The following COL8A2 variants were observed in gnomAD, a reference collection of about 807,000 sequenced individuals.
The protein encoded by COL8A2 is collagen alpha-2(VIII) chain.
Under a neutral mutation model 24.0 loss-of-function variants are expected in COL8A2, and 16 were observed. The ratio of observed to expected loss-of-function variants is 0.67; its 90% CI spans 0.45 to 1.01. The LOEUF is 1.01. COL8A2 is among the 50% of genes least tolerant of loss of function. The pLI, the probability that COL8A2 is intolerant of heterozygous loss-of-function variation, is 0.00. For missense variants in COL8A2, 818 were observed against 942.4 expected, an observed-to-expected ratio of 0.87 and a Z score of 1.73; for synonymous variants, 466 against 424.5, an observed-to-expected ratio of 1.10 and a Z score of -1.20.
intron 2 of COL8A2, among the ~76,000 whole-genome samples, chr1:36,101,204 GC>G (rs1453289869): frequency 6.6e-6 from 1 of 151,910 alleles, no homozygotes; most frequent in Non-Finnish European, 1.5e-5. Context: ...TGCATTCAAG[GC>G]CTTTCTAACC....
chr1:36,102,937 A>T (rs1247736090), intron 2 of COL8A2, among the ~76,000 whole-genome samples: 1 of 151,982 alleles, frequency 6.6e-6, no homozygotes, highest in African/African-American at 2.4e-5. Flanking sequence ...CCTCCCAAAG[A>T]GCAGGAATTA....
rs1643635848 is a variant in COL8A2 at position 36,099,280 on chromosome 1, A to C, written c.401T>G (p.Val134Gly). Residue 134 changes from valine (V) to glycine (G), a missense_variant, in exon 4 of 4, where the codon GTC (valine) becomes GGC (glycine). Around this residue, in one of 3 missense-constraint regions of COL8A2, gnomAD observed 573 missense variants for 616.8 expected, o/e 0.93. Coordinates refer to ENST00000397799, the MANE Select transcript of COL8A2 (RefSeq NM_005202.4). The part of the protein sequence containing the change: ...KAGPPGLPGK[V>G]GPPGQPGLRG... ...AAGCCCCGGCTGCCCTGGTGGCCCGACCTTGCCAGGGAGCCCTGGGGGACC... is the reference window on the plus strand; with the variant it reads ...AAGCCCCGGCTGCCCTGGTGGCCCGCCCTTGCCAGGGAGCCCTGGGGGACC... 1 of 1,556,404 alleles carries C rather than the reference A, an allele frequency of 6.4e-7. No individual in the cohort carries two copies. Among genetic ancestry groups the C allele is most frequent in the Non-Finnish European group, 8.7e-7 (1 of 1,151,110 alleles).
chr1:36,097,986 C>A lies in COL8A2; in HGVS notation c.1695G>T (p.Gly565=), dbSNP rs775106556. ...TGGCATGGGCAGACAGCTCGCCCAG[C>A]CCAAACTGTGGCTTGCCCCCCTTGC... ...VLGKGGKPQF[G]LGELSAHATP... is the part of the protein sequence containing the mutation. The change falls in exon 4 of 4, where the codon GGG becomes GGT. Residue 565 remains glycine, a synonymous_variant. Transcript: ENST00000397799. 1.3e-5 allele frequency: 21 copies of A among 1,604,788 alleles called. No homozygotes were observed. Among genetic ancestry groups the A allele is most frequent in the Admixed American group, 1.2e-4 (7 of 59,450 alleles).
rs779837994 is a variant in COL8A2 at position 36,098,097 on chromosome 1, TCCCGGGGG to T, written c.1576_1583del (p.Pro526ThrfsTer10). 6.6e-7 allele frequency: 1 copy of T among 1,526,368 alleles called. No individual in the cohort carries two copies. The highest frequency in any genetic ancestry group is 8.7e-7 in the Non-Finnish European group (1 of 1,145,722). The allele number at this position is 1,526,368 out of a possible 1,614,324, so 94.6% of individuals were successfully genotyped here. On this transcript the variant is annotated frameshift_variant, in exon 4 of 4. Transcript: ENST00000397799. LOFTEE classifies it high-confidence loss of function. ...CGAAGGCCCCAGGGGCACCAGGGGGTCCCGGGGGCCCGGGAGGCCCCGGAGGGCCCGTG... is the reference window on the plus strand; with the variant it reads ...CGAAGGCCCCAGGGGCACCAGGGGGTCCCGGGAGGCCCCGGAGGGCCCGTG...
In COL8A2 at chr1:36,123,570, CCTGT is replaced by C. The variant is rs1231894522; in HGVS notation, c.-62+1483_-62+1486del. Reference sequence around the variant, plus strand: ...GTGAGCGTATGTGTGTGTGTGCCGTCCTGTCTGAGTATGTCTGGCTGGGCCACGT... The same window carrying C: ...GTGAGCGTATGTGTGTGTGTGCCGTCCTGAGTATGTCTGGCTGGGCCACGT... On this transcript the variant is annotated intron_variant, in intron 1 of 3. Coordinates refer to ENST00000397799, the MANE Select transcript of COL8A2 (RefSeq NM_005202.4). The surrounding 1 kb of genome is among the most constrained non-coding windows in gnomAD (Gnocchi z 4.1). Among the ~76,000 whole-genome samples the C allele has an allele frequency of 7.2e-5, 11 of 152,048 alleles. No homozygotes were observed. Among genetic ancestry groups the C allele is most frequent in the Non-Finnish European group, 1.3e-4 (9 of 68,006 alleles).
Position 36,100,268 on chromosome 1 carries a change from A to G in COL8A2, c.-16-10T>C. 1 of 1,540,422 alleles carries G rather than the reference A, an allele frequency of 6.5e-7. No homozygotes were observed. Among genetic ancestry groups the G allele is most frequent in the Non-Finnish European group, 8.7e-7 (1 of 1,147,284 alleles). On this transcript the variant is annotated splice_polypyrimidine_tract_variant and intron_variant, in intron 2 of 3. Coordinates refer to ENST00000397799, the MANE Select transcript of COL8A2 (RefSeq NM_005202.4). ...GGCGTCCGTGGACGTGCTGCAAAGA[A>G]GAACAGAGAAAGTCATCAAGCCAGC...
chr1:36,123,908 C>G lies in COL8A2; in HGVS notation c.-62+1149G>C, dbSNP rs566872700. Among the ~76,000 whole-genome samples, 3 of 152,124 alleles carry G rather than the reference C, an allele frequency of 2.0e-5. No homozygotes were observed. The highest frequency in any genetic ancestry group is 7.2e-5 in the African/African-American group (3 of 41,418). On this transcript the variant is annotated intron_variant, in intron 1 of 3. Coordinates refer to ENST00000397799, the MANE Select transcript of COL8A2 (RefSeq NM_005202.4). The surrounding 1 kb of genome is among the most constrained non-coding windows in gnomAD (Gnocchi z 4.1). ...GGAGACCACCAACCATGGTGTCTCT[C>G]CAGAGATCACCAACTCCTGCCCTGC...
At position 36,098,566 on chromosome 1, in the gene COL8A2, C is replaced by T. The variant is rs757009036; in HGVS notation, c.1115G>A (p.Arg372His). ...CTCACCCTTAGGCCCAGGGGGCCCACGTCTGCCAGGAAGCCCTGCAGACCC... is the reference window on the plus strand; with the variant it reads ...CTCACCCTTAGGCCCAGGGGGCCCATGTCTGCCAGGAAGCCCTGCAGACCC... ...LPGSAGLPGR[R>H]GPPGPKGEAG... The change falls in exon 4 of 4, where the codon CGT becomes CAT. Residue 372 changes from arginine (R) to histidine (H), a missense_variant. Physicochemically the swap from Arg to His is conservative, Grantham distance 29. Around this residue, in one of 3 missense-constraint regions of COL8A2, gnomAD observed 573 missense variants for 616.8 expected, o/e 0.93. Coordinates refer to ENST00000397799, the MANE Select transcript of COL8A2 (RefSeq NM_005202.4). 109 of 1,606,216 alleles carry T rather than the reference C, an allele frequency of 6.8e-5. No individual in the cohort carries two copies. Among genetic ancestry groups the T allele is most frequent in the Non-Finnish European group, 8.2e-5 (96 of 1,177,258 alleles).
intron 1 of COL8A2, among the ~76,000 whole-genome samples, chr1:36,116,455 C>T (rs1277536726): frequency 6.6e-6 from 1 of 152,204 alleles, no homozygotes; most frequent in Non-Finnish European, 1.5e-5. Context: ...GCTGGGGAAG[C>T]TTCTACTATG....
Position 36,097,593 on chromosome 1 carries a change from T to C in COL8A2, c.2088A>G (p.Ser696=), listed in dbSNP as rs1401689909. The stretch of plus-strand genomic sequence containing the variant: ...GTTATGTGGGGCAGAGCAAGAATCC[T>C]GAAAAGGAGGAGTGGATGTACTCCG... ...YSTEYIHSSF[S]GFLLCPT Residue 696 remains serine, a synonymous_variant, in exon 4 of 4, where the codon TCA becomes TCG. Coordinates refer to ENST00000397799, the MANE Select transcript of COL8A2 (RefSeq NM_005202.4). 3 of 1,609,612 alleles carry C rather than the reference T, an allele frequency of 1.9e-6. No homozygotes were observed. The highest frequency in any genetic ancestry group is 1.7e-5 in the Admixed American group (1 of 59,840).
intron 1 of COL8A2, among the ~76,000 whole-genome samples, chr1:36,117,861 TAAA>T (rs201764026): frequency 1.5e-5 from 2 of 135,606 alleles, no homozygotes. Context: ...CCCCATCTCT[TAAA>T]AAAAAAAAAA....
intron 1 of COL8A2, among the ~76,000 whole-genome samples, chr1:36,119,617 G>C (rs1357754375): frequency 6.6e-6 from 1 of 152,234 alleles, no homozygotes; most frequent in Non-Finnish European, 1.5e-5. Flanking sequence ...AAGAATGCTT[G>C]CCATGAGCAG....
chr1:36,100,228 C>A lies in COL8A2; in HGVS notation c.15G>T (p.Leu5=). The A allele has an allele frequency of 6.4e-7, 1 of 1,566,158 alleles. No homozygotes were observed. Among genetic ancestry groups the A allele is most frequent in the Non-Finnish European group, 8.6e-7 (1 of 1,157,602 alleles). Residue 5 remains leucine, a synonymous_variant, in exon 3 of 4, where the codon CTG becomes CTT. Transcript: ENST00000397799. ...GCAGCAGCAGCGAAGACAGGGGTGT[C>A]AGAGTCCCCAGCATGGCGTCCGTGG... The part of the protein sequence containing the change: MLGT[L]TPLSSLLLLL...
intron 1 of COL8A2, among the ~76,000 whole-genome samples, chr1:36,116,322 T>A (rs1051487215): frequency 6.6e-6 from 1 of 152,194 alleles, no homozygotes. Context: ...TTCAAGGAGT[T>A]CCTACTGTCC....
intron 1 of COL8A2, among the ~76,000 whole-genome samples, chr1:36,124,375 G>A (rs1285638426): frequency 6.6e-6 from 1 of 152,170 alleles, no homozygotes; most frequent in African/African-American, 2.4e-5. Context: ...CCAGGGCAGA[G>A]ACACTGGGAG....
At chr1:36,112,613 C>T (rs1460488061) in intron 2 of COL8A2, among the ~76,000 whole-genome samples, 3 of 152,132 alleles carry the variant, frequency 2.0e-5, no homozygotes, top group Non-Finnish European at 4.4e-5. Flanking sequence ...CCTGGCACAC[C>T]CCCGTCACTA....
At position 36,096,003 on chromosome 1, in the gene COL8A2, C is replaced by T. The variant is rs888393117; in HGVS notation, c.*1566G>A. ...GGTTGGCAAGGAACCTGAAGGAACC[C>T]ACTGCTCAGCCAGTCAGAAGTCAGC... On this transcript the variant is annotated 3_prime_UTR_variant, in exon 4 of 4. Transcript: ENST00000397799. 2 of 152,238 alleles carry T rather than the reference C, an allele frequency of 1.3e-5. No homozygotes were observed. The highest frequency in any genetic ancestry group is 2.9e-5 in the Non-Finnish European group (2 of 68,062). The allele number at this position is 152,238 out of a possible 1,614,324, so 9.4% of individuals were successfully genotyped here. A position where few individuals can be genotyped will look rare whatever the true frequency, so the allele number is the denominator to read the frequency against.
chr1:36,101,037 G>A (rs1643672910), intron 2 of COL8A2, among the ~76,000 whole-genome samples: 1 of 152,020 alleles, frequency 6.6e-6, no homozygotes, highest in African/African-American at 2.4e-5. Context: ...GGAATTATAG[G>A]TGTGTGCCAC....
At chr1:36,108,127 A>G (rs191723258) in intron 2 of COL8A2, among the ~76,000 whole-genome samples, 1 of 152,248 alleles carries the variant, frequency 6.6e-6, no homozygotes, top group African/African-American at 2.4e-5. Context: ...GATAAATGTC[A>G]CATTCACCCA....
Sources: allele counts gnomAD v4.1 joint callset (sites outside exome capture counted in the v4.1 genomes callset), GRCh38; gene constraint gnomAD v4.1.1; regional missense constraint gnomAD v4.1.1; non-coding constraint Gnocchi (gnomAD v3.1); transcripts MANE v1.5; gene names NCBI Gene and HGNC (gene_info 2026-07-23, HGNC 2026-07-21).